Variants in BHLHE22 observed in about 807,000 individuals in gnomAD.
BHLHE22 encodes class E basic helix-loop-helix protein 22.
Under a neutral mutation model 17.6 loss-of-function variants are expected in BHLHE22, and 8 were observed. The ratio of observed to expected loss-of-function variants is 0.45; its 90% CI spans 0.27 to 0.82. The LOEUF (loss-of-function observed/expected upper bound fraction) is 0.82. Among genes scored for constraint, BHLHE22 ranks in the 40% least tolerant of loss-of-function variants. The pLI is 0.16. For missense variants in BHLHE22, 570 were observed against 581.5 expected (o/e 0.98, Z 0.20); for synonymous variants, 353 against 282.7 (o/e 1.25, Z -2.49).
rs1804902072 is a variant in BHLHE22, at chr8:64,581,482, G to C, written c.692G>C (p.Ser231Thr). 3 of 1,561,530 alleles carry C rather than the reference G, an allele frequency of 1.9e-6. No homozygotes were observed. Among genetic ancestry groups the C allele is most frequent in the Non-Finnish European group, 2.6e-6 (3 of 1,159,122 alleles). Residue 231 changes from serine to threonine, a missense_variant, in exon 1 of 1, where the codon AGC (serine) becomes ACC (threonine). Transcript: ENST00000321870. The surrounding 1 kb of genome is among the most constrained non-coding windows in gnomAD (Gnocchi z 6.4). ...AGCGGCGGCAGCAGCAGCAGCAGCA[G>C]CAGCAGCAGCAAGAAATCCAAAGAG... ...SGSGGSSSSS[S>T]SSSKKSKEQK...
In BHLHE22 at chr8:64,581,005, G is replaced by A. The variant is rs1237138059; in HGVS notation, c.215G>A (p.Gly72Glu). The change falls in exon 1 of 1, where the codon GGG becomes GAG. Residue 72 changes from glycine (G) to glutamate (E), a missense_variant. Physicochemically the swap from Gly to Glu is moderately conservative, Grantham distance 98. This residue lies in a region of BHLHE22 where 427 missense variants were observed against 376.2 expected (regional missense o/e 1.14). Coordinates refer to ENST00000321870, the MANE Select transcript of BHLHE22 (RefSeq NM_152414.5). This position sits in a 1 kb window ranked among gnomAD's most constrained non-coding sequence, Gnocchi z 6.4. ...TGCTTCGAGCCGGCTGACCCCGAGG[G>A]GGCAGGGCTGCTGTTGCCGCCGCCT... ...LGCFEPADPE[G>E]AGLLLPPPGG... 1.5e-6 allele frequency: 2 copies of A among 1,336,738 alleles called. No individual in the cohort carries two copies. The highest frequency in any genetic ancestry group is 1.5e-5 in the African/African-American group (1 of 65,030). The allele number at this position is 1,336,738 out of a possible 1,614,324, so 82.8% of individuals were successfully genotyped here.
At position 64,581,036 on chromosome 8, in the gene BHLHE22, AGGCGGCGGCGGCAGCGCGGGAAGTGGC is replaced by A. The variant is rs1443463343; in HGVS notation, c.259_285del (p.Ser87_Gly95del). On this transcript the variant is annotated inframe_deletion, in exon 1 of 1. Coordinates refer to ENST00000321870, the MANE Select transcript of BHLHE22 (RefSeq NM_152414.5). This position sits in a 1 kb window ranked among gnomAD's most constrained non-coding sequence, Gnocchi z 6.4. The stretch of plus-strand genomic sequence containing the variant: ...GGCTGCTGTTGCCGCCGCCTGGAGG[AGGCGGCGGCGGCAGCGCGGGAAGTGGC>A]GGCGGCGGCGGCGGCGGGGTGGGTG... The A allele has an allele frequency of 7.6e-6, 10 of 1,319,394 alleles. No individual in the cohort carries two copies. Among genetic ancestry groups the A allele is most frequent in the South Asian group, 2.2e-5 (1 of 44,800 alleles). The allele number at this position is 1,319,394 out of a possible 1,614,324, so 81.7% of individuals were successfully genotyped here.
Position 64,582,189 on chromosome 8 carries a change from T to G in BHLHE22, c.*253T>G. 1.8e-6 allele frequency: 1 copy of G among 540,634 alleles called. No homozygotes were observed. Among genetic ancestry groups the G allele is most frequent in the East Asian group, 3.6e-5 (1 of 27,980 alleles). The allele number at this position is 540,634 out of a possible 1,614,324, so 33.5% of individuals were successfully genotyped here. ...GGGATGGAGTATGGATGTCTTTTTTTTCTCAGAAAAGTGGCAACTTTGGTG... is the reference window on the plus strand; with the variant it reads ...GGGATGGAGTATGGATGTCTTTTTTGTCTCAGAAAAGTGGCAACTTTGGTG... On this transcript the variant is annotated 3_prime_UTR_variant, in exon 1 of 1. Coordinates refer to ENST00000321870, the MANE Select transcript of BHLHE22 (RefSeq NM_152414.5).
chr8:64,581,016 C>CTGT lies in BHLHE22; in HGVS notation c.229_231dup (p.Leu77dup). On this transcript the variant is annotated inframe_insertion, in exon 1 of 1. Coordinates refer to ENST00000321870, the MANE Select transcript of BHLHE22 (RefSeq NM_152414.5). This position sits in a 1 kb window ranked among gnomAD's most constrained non-coding sequence, Gnocchi z 6.4. ...GGCTGACCCCGAGGGGGCAGGGCTG[C>CTGT]TGTTGCCGCCGCCTGGAGGAGGCGG... 7.5e-7 allele frequency: 1 copy of CTGT among 1,325,800 alleles called. No homozygotes were observed. Among genetic ancestry groups the CTGT allele is most frequent in the Non-Finnish European group, 9.6e-7 (1 of 1,046,568 alleles). The allele number at this position is 1,325,800 out of a possible 1,614,324, so 82.1% of individuals were successfully genotyped here. A position where few individuals can be genotyped will look rare whatever the true frequency, so the allele number is the denominator to read the frequency against.
Position 64,582,984 on chromosome 8 carries a change from C to T in BHLHE22, c.*1048C>T, listed in dbSNP as rs548963872. On this transcript the variant is annotated 3_prime_UTR_variant, in exon 1 of 1. Transcript: ENST00000321870. ...TTGAGCTTTAATAAATTGCTTCAGT[C>T]CAAAAATTACAGGAAAGGTGTATTC... is the stretch of plus-strand genomic sequence containing the variant. 6.0e-6 allele frequency: 1 copy of T among 166,810 alleles called. No homozygotes were observed. Among genetic ancestry groups the T allele is most frequent in the Admixed American group, 6.5e-5 (1 of 15,290 alleles). 10.3% of individuals were successfully genotyped at this position (166,810 alleles called of 1,614,324 possible).
rs372721285 is a variant in BHLHE22, at chr8:64,581,522, G to A, written c.732G>A (p.Arg244=). Residue 244 remains arginine (R), a synonymous_variant, in exon 1 of 1, where the codon CGG becomes CGA. Coordinates refer to ENST00000321870, the MANE Select transcript of BHLHE22 (RefSeq NM_152414.5). The surrounding 1 kb of genome is among the most constrained non-coding windows in gnomAD (Gnocchi z 6.4). ...AATCCAAAGAGCAAAAGGCGCTGCG[G>A]CTTAACATCAATGCCCGAGAGCGCC... ...SKKSKEQKAL[R]LNINARERRR... 3.1e-6 allele frequency: 5 copies of A among 1,605,440 alleles called. No individual in the cohort carries two copies. Among genetic ancestry groups the A allele is most frequent in the African/African-American group, 1.3e-5 (1 of 74,858 alleles).
rs905963380 is a variant in BHLHE22 at position 64,582,232 on chromosome 8, G to A, written c.*296G>A. The A allele has an allele frequency of 5.6e-5, 26 of 467,684 alleles. No homozygotes were observed. In the Admixed American group the frequency reaches 7.6e-4, roughly 14 times the overall value. The allele number at this position is 467,684 out of a possible 1,614,324, so 29.0% of individuals were successfully genotyped here. On this transcript the variant is annotated 3_prime_UTR_variant, in exon 1 of 1. Transcript: ENST00000321870. ...CTTTGGTGGCAGCCTAGACCGCGAG[G>A]AAGTGGAATCTTCCTTAAAGGTGAA...
In BHLHE22 at chr8:64,582,025, G is replaced by C; in HGVS notation, c.*89G>C. ...CCCCCTTTATTTTGGTCCTCTCGTA[G>C]TTGTGAAACACTTGCAGAGCAAACA... On this transcript the variant is annotated 3_prime_UTR_variant, in exon 1 of 1. Transcript: ENST00000321870. 1.4e-6 allele frequency: 2 copies of C among 1,444,068 alleles called. No homozygotes were observed. The highest frequency in any genetic ancestry group is 1.9e-6 in the Non-Finnish European group (2 of 1,067,880). 89.5% of individuals were successfully genotyped at this position (1,444,068 alleles called of 1,614,324 possible).
Position 64,580,576 on chromosome 8 carries a change from G to A in BHLHE22, c.-215G>A, listed in dbSNP as rs982463472. The A allele has an allele frequency of 6.1e-6, 1 of 163,276 alleles. No homozygotes were observed. The highest frequency in any genetic ancestry group is 1.3e-5 in the Non-Finnish European group (1 of 77,408). 10.1% of individuals were successfully genotyped at this position (163,276 alleles called of 1,614,324 possible). Reference sequence around the variant, plus strand: ...CCAGCAGCCAGCACCATCGGCTGGAGACGAAGAAGAAGAAGAAGAGGAGGC... The same window carrying A: ...CCAGCAGCCAGCACCATCGGCTGGAAACGAAGAAGAAGAAGAAGAGGAGGC... On this transcript the variant is annotated 5_prime_UTR_variant, in exon 1 of 1. Coordinates refer to ENST00000321870, the MANE Select transcript of BHLHE22 (RefSeq NM_152414.5).
Position 64,580,728 on chromosome 8 carries a change from G to C in BHLHE22, c.-63G>C. On this transcript the variant is annotated 5_prime_UTR_variant, in exon 1 of 1. Transcript: ENST00000321870. ...CGCGTCTGTGGGGCCGCCTGACTCC[G>C]GGGCCGAGGCGGCGGCGGCGGCAGC... The C allele has an allele frequency of 1.0e-6, 1 of 992,862 alleles. No homozygotes were observed. The highest frequency in any genetic ancestry group is 1.2e-6 in the Non-Finnish European group (1 of 830,558). 61.5% of individuals were successfully genotyped at this position (992,862 alleles called of 1,614,324 possible).
chr8:64,580,782 CG>C lies in BHLHE22; in HGVS notation c.-8del. ...CGCGGCGGCCCGGGCTGCGCGCCGGCGCGGGACCATGGAGCGCGGGATGCAC... is the reference window on the plus strand; with the variant it reads ...CGCGGCGGCCCGGGCTGCGCGCCGGCCGGGACCATGGAGCGCGGGATGCAC... On this transcript the variant is annotated 5_prime_UTR_variant, in exon 1 of 1. Coordinates refer to ENST00000321870, the MANE Select transcript of BHLHE22 (RefSeq NM_152414.5). 1 of 1,292,454 alleles carries C rather than the reference CG, an allele frequency of 7.7e-7. No homozygotes were observed. Among genetic ancestry groups the C allele is most frequent in the Non-Finnish European group, 9.8e-7 (1 of 1,020,116 alleles). 80.1% of individuals were successfully genotyped at this position (1,292,454 alleles called of 1,614,324 possible).
In BHLHE22 at chr8:64,580,803, A is replaced by C; in HGVS notation, c.13A>C (p.Met5Leu). The C allele has an allele frequency of 7.2e-7, 1 of 1,398,460 alleles. No homozygotes were observed. The allele number at this position is 1,398,460 out of a possible 1,614,324, so 86.6% of individuals were successfully genotyped here. Reference protein sequence around the residue: MERGMHLGAAAAGED... With the variant: MERGLHLGAAAAGED... ...CCGGCGCGGGACCATGGAGCGCGGG[A>C]TGCACCTCGGTGCAGCGGCCGCCGG... The change falls in exon 1 of 1, where the codon ATG becomes CTG. Residue 5 changes from methionine to leucine, a missense_variant. Transcript: ENST00000321870.
Position 64,581,011 on chromosome 8 carries a change from G to A in BHLHE22, c.221G>A (p.Gly74Glu). The stretch of plus-strand genomic sequence containing the variant: ...GAGCCGGCTGACCCCGAGGGGGCAG[G>A]GCTGCTGTTGCCGCCGCCTGGAGGA... The part of the protein sequence containing the change: ...CFEPADPEGA[G>E]LLLPPPGGGG... Residue 74 changes from glycine (G) to glutamate (E), a missense_variant, in exon 1 of 1, where the codon GGG (glycine) becomes GAG (glutamate). Coordinates refer to ENST00000321870, the MANE Select transcript of BHLHE22 (RefSeq NM_152414.5). The surrounding 1 kb of genome is among the most constrained non-coding windows in gnomAD (Gnocchi z 6.4). 7.5e-7 allele frequency: 1 copy of A among 1,331,470 alleles called. No individual in the cohort carries two copies. The highest frequency in any genetic ancestry group is 9.5e-7 in the Non-Finnish European group (1 of 1,049,132). 82.5% of individuals were successfully genotyped at this position (1,331,470 alleles called of 1,614,324 possible). A position where few individuals can be genotyped will look rare whatever the true frequency, so the allele number is the denominator to read the frequency against.
rs200609947 is a variant in BHLHE22, at chr8:64,580,952, G to A, written c.162G>A (p.Pro54=). The change falls in exon 1 of 1, where the codon CCG becomes CCA. Residue 54 remains proline (P), a synonymous_variant. Transcript: ENST00000321870. ...TGGCGCCGCCGCCTCGGGAACGCCC[G>A]GCGTCCTCCTCCTCGTCGCCCCTGG... The part of the protein sequence containing the change: ...LSLAPPPRER[P]ASSSSSPLGC... 6.2e-6 allele frequency: 9 copies of A among 1,455,694 alleles called. No homozygotes were observed. The highest frequency in any genetic ancestry group is 2.9e-5 in the African/African-American group (2 of 68,378). 90.2% of individuals were successfully genotyped at this position (1,455,694 alleles called of 1,614,324 possible).
Position 64,581,470 on chromosome 8 carries a change from G to C in BHLHE22, c.680G>C (p.Ser227Thr), listed in dbSNP as rs775210810. 3 of 1,541,852 alleles carry C rather than the reference G, an allele frequency of 1.9e-6. No individual in the cohort carries two copies. The highest frequency in any genetic ancestry group is 2.6e-6 in the Non-Finnish European group (3 of 1,149,164). The stretch of plus-strand genomic sequence containing the variant: ...AGCGGTAGCGGCAGCGGCGGCAGCA[G>C]CAGCAGCAGCAGCAGCAGCAGCAAG... The part of the protein sequence containing the change: ...GGSGSGSGGS[S>T]SSSSSSSKKS... Residue 227 changes from serine to threonine, a missense_variant, in exon 1 of 1, where the codon AGC becomes ACC. This residue lies in a region of BHLHE22 where 427 missense variants were observed against 376.2 expected (regional missense o/e 1.14). Coordinates refer to ENST00000321870, the MANE Select transcript of BHLHE22 (RefSeq NM_152414.5). This position sits in a 1 kb window ranked among gnomAD's most constrained non-coding sequence, Gnocchi z 6.4.
rs1057456337 is a variant in BHLHE22, at chr8:64,582,978, T to C, written c.*1042T>C. 2 of 166,852 alleles carry C rather than the reference T, an allele frequency of 1.2e-5. No homozygotes were observed. Among genetic ancestry groups the C allele is most frequent in the African/African-American group, 2.4e-5 (1 of 41,472 alleles). 10.3% of individuals were successfully genotyped at this position (166,852 alleles called of 1,614,324 possible). On this transcript the variant is annotated 3_prime_UTR_variant, in exon 1 of 1. Transcript: ENST00000321870. ...TTTAAATTGAGCTTTAATAAATTGC[T>C]TCAGTCCAAAAATTACAGGAAAGGT...
rs375018788 is a variant in BHLHE22, at chr8:64,582,399, A to T, written c.*463A>T. 5.7e-6 allele frequency: 1 copy of T among 176,438 alleles called. No homozygotes were observed. The highest frequency in any genetic ancestry group is 1.9e-4 in the East Asian group (1 of 5,236). The allele number at this position is 176,438 out of a possible 1,614,324, so 10.9% of individuals were successfully genotyped here. A position where few individuals can be genotyped will look rare whatever the true frequency, so the allele number is the denominator to read the frequency against. ...GGGGTTGGGTAGCATGAGAGATGGA[A>T]TATTCATTCAGACAAATCAGAAAGG... On this transcript the variant is annotated 3_prime_UTR_variant, in exon 1 of 1. Coordinates refer to ENST00000321870, the MANE Select transcript of BHLHE22 (RefSeq NM_152414.5).
chr8:64,582,508 G>C lies in BHLHE22; in HGVS notation c.*572G>C, dbSNP rs1804920347. ...GTGAGGGGGAAATAAAACCCAGAGA[G>C]AGAGAGAGAGCGAGAGAGAGAGACA... On this transcript the variant is annotated 3_prime_UTR_variant, in exon 1 of 1. Transcript: ENST00000321870. The C allele has an allele frequency of 6.1e-6, 1 of 164,832 alleles. No individual in the cohort carries two copies. Among genetic ancestry groups the C allele is most frequent in the Non-Finnish European group, 1.5e-5 (1 of 67,162 alleles). 10.2% of individuals were successfully genotyped at this position (164,832 alleles called of 1,614,324 possible). A position where few individuals can be genotyped will look rare whatever the true frequency, so the allele number is the denominator to read the frequency against.
rs1804890635 is a variant in BHLHE22 at position 64,581,200 on chromosome 8, C to T, written c.410C>T (p.Ser137Leu). 1.4e-6 allele frequency: 2 copies of T among 1,441,758 alleles called. No individual in the cohort carries two copies. The highest frequency in any genetic ancestry group is 2.8e-5 in the East Asian group (1 of 36,026). The allele number at this position is 1,441,758 out of a possible 1,614,324, so 89.3% of individuals were successfully genotyped here. ...LKYGESASRG[S>L]VAESSGGEQS... ...TACGGCGAAAGCGCGAGCCGGGGCT[C>T]GGTGGCCGAGAGCAGCGGCGGCGAG... The change falls in exon 1 of 1, where the codon TCG becomes TTG. Residue 137 changes from serine (S) to leucine (L), a missense_variant. Around this residue, in one of 3 missense-constraint regions of BHLHE22, gnomAD observed 427 missense variants for 376.2 expected, o/e 1.14. Coordinates refer to ENST00000321870, the MANE Select transcript of BHLHE22 (RefSeq NM_152414.5). This position sits in a 1 kb window ranked among gnomAD's most constrained non-coding sequence, Gnocchi z 6.4.
Sources: gnomAD v4.1 joint callset for allele counts on GRCh38, gnomAD v4.1.1 for gene constraint, gnomAD v4.1.1 regional missense constraint, Gnocchi (gnomAD v3.1) non-coding constraint, MANE v1.5 for transcripts, NCBI Gene and HGNC (gene_info 2026-07-23, HGNC 2026-07-21) for gene names.